ROR1: variants seen among roughly 807,000 people sequenced by gnomAD.
ROR1 encodes ROR family WNT receptor 1, also known as inactive tyrosine-protein kinase transmembrane receptor ROR1.
A neutral mutation model predicts 78.8 loss-of-function variants in ROR1; 19 were observed. The observed-to-expected ratio is 0.24, with a 90% CI of 0.17 to 0.35. The LOEUF is 0.35. Ranked by LOEUF, ROR1 falls within the 10% of genes least tolerant of loss-of-function variation. ROR1 has a pLI of 1.00. For missense variants in ROR1, 917 were observed against 1,177.8 expected (o/e 0.78, Z 3.24); for synonymous variants, 386 against 433.6 (o/e 0.89, Z 1.36).
intron 4 of ROR1, among the ~76,000 whole-genome samples, chr1:64,093,983 A>G (rs1366678399): frequency 6.6e-6 from 1 of 152,216 alleles, no homozygotes; most frequent in Non-Finnish European, 1.5e-5. Flanking sequence ...AAACTCAGCC[A>G]GAAGTGGCAG....
intron 2 of ROR1, among the ~76,000 whole-genome samples, chr1:64,036,325 GT>G (rs1252711179): frequency 1.3e-5 from 2 of 152,090 alleles, no homozygotes; most frequent in Non-Finnish European, 2.9e-5. Flanking sequence ...TGGGGTACAT[GT>G]TTTTTGTCCT....
intron 4 of ROR1, among the ~76,000 whole-genome samples, chr1:64,115,695 C>G (rs1648293834): frequency 6.6e-6 from 1 of 152,010 alleles, no homozygotes; most frequent in African/African-American, 2.4e-5. Context: ...TGCTTTTGCT[C>G]TATCTCTATT....
At chr1:63,868,148 GTT>G (rs1443785593) in intron 1 of ROR1, among the ~76,000 whole-genome samples, 4 of 151,996 alleles carry the variant, frequency 2.6e-5, no homozygotes, top group Admixed American at 6.5e-5. Flanking sequence ...TGTTGTTGTT[GTT>G]TTGTTTTTTT....
At chr1:63,959,896 C>G (rs1646014226) in intron 1 of ROR1, among the ~76,000 whole-genome samples, 1 of 152,142 alleles carries the variant, frequency 6.6e-6, no homozygotes, top group Non-Finnish European at 1.5e-5. Context: ...CCTCCTCATC[C>G]CTTCACTTCT....
chr1:63,881,781 T>G (rs1216295025), intron 1 of ROR1, among the ~76,000 whole-genome samples: 1 of 152,120 alleles, frequency 6.6e-6, no homozygotes, highest in African/African-American at 2.4e-5. Flanking sequence ...TAAGGAAATA[T>G]AAAATAGTAT....
intron 1 of ROR1, among the ~76,000 whole-genome samples, chr1:63,963,663 G>A (rs1646051410): frequency 6.6e-6 from 1 of 152,080 alleles, no homozygotes; most frequent in Admixed American, 6.5e-5. Context: ...GCTTTCCAGT[G>A]TAAGAAAAGC....
intron 1 of ROR1, among the ~76,000 whole-genome samples, chr1:63,838,777 C>T (rs992135505): frequency 5.3e-5 from 8 of 152,124 alleles, no homozygotes; most frequent in African/African-American, 1.9e-4. Flanking sequence ...CTGATTCACC[C>T]AGAACAACTT....
At chr1:63,915,949 T>C (rs944956000) in intron 1 of ROR1, among the ~76,000 whole-genome samples, 2 of 152,122 alleles carry the variant, frequency 1.3e-5, no homozygotes, top group Non-Finnish European at 2.9e-5. Flanking sequence ...ATGTAAACTT[T>C]CCCCTGGGCC....
chr1:63,955,938 T>C (rs1205303585), intron 1 of ROR1, among the ~76,000 whole-genome samples: 1 of 152,166 alleles, frequency 6.6e-6, no homozygotes, highest in Non-Finnish European at 1.5e-5. Flanking sequence ...TCTGCAAAGA[T>C]GTGTCCGTTG....
intron 8 of ROR1, among the ~76,000 whole-genome samples, chr1:64,173,484 A>G (rs1268525330): frequency 6.6e-6 from 1 of 152,198 alleles, no homozygotes; most frequent in Non-Finnish European, 1.5e-5. Context: ...CTGAGCCTCC[A>G]GAGACATTCG....
intron 2 of ROR1, among the ~76,000 whole-genome samples, chr1:64,036,783 T>G (rs1025754760): frequency 3.9e-5 from 6 of 152,198 alleles, no homozygotes; most frequent in African/African-American, 2.4e-5. Context: ...TATTATTCTC[T>G]CTCCTGGTTC....
At chr1:63,799,568 C>A (rs1271345618) in intron 1 of ROR1, among the ~76,000 whole-genome samples, 1 of 152,026 alleles carries the variant, frequency 6.6e-6, no homozygotes, top group African/African-American at 2.4e-5. Context: ...CTCTTAGTTC[C>A]TTCAAATTGG....
At chr1:63,965,609 G>A (rs1488515409) in intron 1 of ROR1, among the ~76,000 whole-genome samples, 2 of 152,094 alleles carry the variant, frequency 1.3e-5, no homozygotes, top group Non-Finnish European at 2.9e-5. Flanking sequence ...AGGGACTTGC[G>A]TAGTTGCATG....
In ROR1 at chr1:64,009,643, G is replaced by A. The variant is rs74874110; in HGVS notation, c.163+267G>A. ...TAAAAATGCTTCAAGATGTGAAATA[G>A]GGTCATTTCTGACCTTTCTGACACT... On this transcript the variant is annotated intron_variant, in intron 2 of 8. Coordinates refer to ENST00000371079, the MANE Select transcript of ROR1 (RefSeq NM_005012.4). 0.054 allele frequency among the ~76,000 whole-genome samples: 8,241 copies of A among 151,850 alleles called. 379 individuals are homozygous for A. Among genetic ancestry groups the A allele is most frequent in the Admixed American group, 0.15 (2,253 of 15,244 alleles).
At chr1:63,890,012 C>T (rs1645383334) in intron 1 of ROR1, among the ~76,000 whole-genome samples, 1 of 152,038 alleles carries the variant, frequency 6.6e-6, no homozygotes, top group South Asian at 2.1e-4. Flanking sequence ...CTTACCACAT[C>T]CAGAAAAGGG....
chr1:64,163,137 A>C (rs1649990819), intron 8 of ROR1, among the ~76,000 whole-genome samples: 1 of 151,580 alleles, frequency 6.6e-6, no homozygotes, highest in Non-Finnish European at 1.5e-5. Context: ...TAATCTCAGC[A>C]TTTGAGGAAA....
Position 63,840,142 on chromosome 1 carries a change from G to A in ROR1, c.91+65634G>A, listed in dbSNP as rs180934907. On this transcript the variant is annotated intron_variant, in intron 1 of 8. Coordinates refer to ENST00000371079, the MANE Select transcript of ROR1 (RefSeq NM_005012.4). ...CACTTTGAGTCACTTTGGATTTTGT[G>A]CATCCATCCATGATGCACTGTGATT... is the stretch of plus-strand genomic sequence containing the variant. 3.9e-3 allele frequency among the ~76,000 whole-genome samples: 595 copies of A among 152,208 alleles called. 2 individuals are homozygous for A. Among genetic ancestry groups the A allele is most frequent in the African/African-American group, 0.014 (576 of 41,542 alleles).
At chr1:63,892,273 G>T (rs900259421) in intron 1 of ROR1, among the ~76,000 whole-genome samples, 2 of 152,072 alleles carry the variant, frequency 1.3e-5, no homozygotes, top group Admixed American at 6.6e-5. Context: ...GGGGGAGCTG[G>T]GCACTTCGCT....
intron 4 of ROR1, among the ~76,000 whole-genome samples, chr1:64,131,308 T>C (rs1041197869): frequency 4.6e-5 from 7 of 152,278 alleles, no homozygotes; most frequent in African/African-American, 1.7e-4. Context: ...TCTGTCCCTA[T>C]GAGGCTGCCA....
Sources: gnomAD v4.1 joint callset for allele counts (sites outside exome capture counted in the v4.1 genomes callset) on GRCh38, gnomAD v4.1.1 for gene constraint, MANE v1.5 for transcripts, NCBI Gene and HGNC (gene_info 2026-07-23, HGNC 2026-07-21) for gene names.